The following SSBP2 variants were observed in gnomAD, a reference collection of about 807,000 sequenced individuals.
SSBP2 encodes the protein single stranded DNA binding protein 2, also known as single-stranded DNA-binding protein 2.
A neutral mutation model predicts 61.8 loss-of-function variants in SSBP2; 17 were observed. The ratio of observed to expected loss-of-function variants is 0.28; its 90% confidence interval spans 0.19 to 0.41. SSBP2 has a LOEUF of 0.41. SSBP2 is among the 10% of genes least tolerant of loss of function. The pLI, the probability that SSBP2 is intolerant of heterozygous loss-of-function variation, is 1.00. For synonymous variants in SSBP2, 139 were observed against 141.3 expected, an observed-to-expected ratio of 0.98 and a Z score of 0.12; for missense variants, 310 against 458.7, an observed-to-expected ratio of 0.68 and a Z score of 2.96.
chr5:81,553,034 C>G (rs1025370028), intron 4 of SSBP2, among the ~76,000 whole-genome samples: 2 of 152,110 alleles, frequency 1.3e-5, no homozygotes, highest in African/African-American at 4.8e-5. Context: ...TAATGAGACT[C>G]CATGACTGCT....
chr5:81,472,311 A>T (rs1765299825), intron 8 of SSBP2, among the ~76,000 whole-genome samples: 1 of 152,186 alleles, frequency 6.6e-6, no homozygotes, highest in South Asian at 2.1e-4. Context: ...GATATCCTGG[A>T]ACAGCACTCT....
chr5:81,459,375 G>A (rs1764385386), intron 10 of SSBP2, among the ~76,000 whole-genome samples: 2 of 152,134 alleles, frequency 1.3e-5, no homozygotes, highest in Admixed American at 1.3e-4. Context: ...GGTGCCTTGT[G>A]GGAGATATAA....
chr5:81,471,771 C>T (rs1187947145), intron 8 of SSBP2, among the ~76,000 whole-genome samples: 1 of 151,712 alleles, frequency 6.6e-6, no homozygotes, highest in African/African-American at 2.4e-5. Flanking sequence ...GAGGCTGCCA[C>T]ATATATTTAC....
At chr5:81,719,699 A>C (rs565827376) in intron 1 of SSBP2, among the ~76,000 whole-genome samples, 2 of 152,330 alleles carry the variant, frequency 1.3e-5, no homozygotes, top group Admixed American at 1.3e-4. Flanking sequence ...GCACAGGTCC[A>C]TATGGGAAGG....
chr5:81,670,703 C>T (rs769486670), intron 1 of SSBP2, among the ~76,000 whole-genome samples: 1 of 152,124 alleles, frequency 6.6e-6, no homozygotes, highest in Non-Finnish European at 1.5e-5. Context: ...CTTAATTCCC[C>T]CTGTGAATTC....
chr5:81,585,748 T>G (rs1775010665), intron 4 of SSBP2, among the ~76,000 whole-genome samples: 1 of 152,170 alleles, frequency 6.6e-6, no homozygotes, highest in African/African-American at 2.4e-5. Flanking sequence ...GTACAATGGA[T>G]ATCCTAAACT....
chr5:81,553,201 A>G (rs1361724071), intron 4 of SSBP2, among the ~76,000 whole-genome samples: 1 of 152,212 alleles, frequency 6.6e-6, no homozygotes. Flanking sequence ...TAGAGCCAAC[A>G]CGAAATGTAC....
At chr5:81,463,878 C>T (rs1580749840) in intron 9 of SSBP2, among the ~76,000 whole-genome samples, 1 of 149,940 alleles carries the variant, frequency 6.7e-6, no homozygotes, top group African/African-American at 2.5e-5. Flanking sequence ...AAGCCATTCT[C>T]GTGCCTCAGT....
chr5:81,420,483 A>G lies in SSBP2; in HGVS notation c.*21T>C. 6.2e-7 allele frequency: 1 copy of G among 1,612,232 alleles called. No homozygotes were observed. Among genetic ancestry groups the G allele is most frequent in the Non-Finnish European group, 8.5e-7 (1 of 1,178,300 alleles). On this transcript the variant is annotated 3_prime_UTR_variant, in exon 17 of 17. Coordinates refer to ENST00000320672, the MANE Select transcript of SSBP2 (RefSeq NM_012446.5). ...GAAGGGCTGACTCACTGTGGTTTTC[A>G]TGAGGAGACTTGGTAATGGATCACA...
intron 4 of SSBP2, among the ~76,000 whole-genome samples, chr5:81,545,536 TAAC>T (rs1771665444): frequency 6.6e-6 from 1 of 152,224 alleles, no homozygotes; most frequent in Non-Finnish European, 1.5e-5. Flanking sequence ...GTCAAGCTGT[TAAC>T]AAACCAAGTT....
chr5:81,460,152 T>C (rs909422615), intron 10 of SSBP2, among the ~76,000 whole-genome samples: 3 of 152,218 alleles, frequency 2.0e-5, no homozygotes, highest in African/African-American at 7.2e-5. Flanking sequence ...CGGTTTCATA[T>C]TCATTTAACA....
intron 10 of SSBP2, among the ~76,000 whole-genome samples, chr5:81,451,397 G>A (rs1763760855): frequency 6.6e-6 from 1 of 151,044 alleles, no homozygotes; most frequent in Admixed American, 6.6e-5. Flanking sequence ...TTAAGTCCTT[G>A]CTCCTTTTAT....
At chr5:81,451,855 G>A (rs764472492) in intron 10 of SSBP2, among the ~76,000 whole-genome samples, 5 of 152,004 alleles carry the variant, frequency 3.3e-5, no homozygotes, top group Non-Finnish European at 7.4e-5. Flanking sequence ...TTTTTGCCCC[G>A]TCAAGCTCTT....
At chr5:81,542,817 T>TTTTCTCTCTCTCTCTCTCTCTCTCTC (rs1554083510) in intron 4 of SSBP2, among the ~76,000 whole-genome samples, 1 of 106,724 alleles carries the variant, frequency 9.4e-6, no homozygotes, top group Non-Finnish European at 1.9e-5. Context: ...ATTTGACAGT[T>TTTTCTCTCTCTCTCTCTCTCTCTCTC]TCTCTCTCTC....
At chr5:81,598,984 ATTC>A (rs1161305266) in intron 4 of SSBP2, among the ~76,000 whole-genome samples, 1 of 152,204 alleles carries the variant, frequency 6.6e-6, no homozygotes, top group Non-Finnish European at 1.5e-5. Context: ...CTCTGCCTTT[ATTC>A]TTTAGTGCAG....
chr5:81,603,885 C>G (rs906663576), intron 4 of SSBP2, among the ~76,000 whole-genome samples: 3 of 151,942 alleles, frequency 2.0e-5, no homozygotes, highest in African/African-American at 4.8e-5. Flanking sequence ...TCTGAATGTC[C>G]TTCTGAATAG....
chr5:81,607,417 C>T (rs912629294), intron 4 of SSBP2, among the ~76,000 whole-genome samples: 2 of 152,174 alleles, frequency 1.3e-5, no homozygotes, highest in South Asian at 4.1e-4. Flanking sequence ...TTATTGAGTG[C>T]CAATTAAGTA....
chr5:81,419,865 C>A lies in SSBP2; in HGVS notation c.*639G>T, dbSNP rs1761489180. The A allele has an allele frequency of 6.6e-6, 1 of 152,150 alleles. No homozygotes were observed. Among genetic ancestry groups the A allele is most frequent in the Non-Finnish European group, 1.5e-5 (1 of 68,024 alleles). The allele number at this position is 152,150 out of a possible 1,614,324, so 9.4% of individuals were successfully genotyped here. ...GTTTGATTCAACATAAAGACGAAGA[C>A]ACATTTTCTTCTATTTTTTGAGACA... On this transcript the variant is annotated 3_prime_UTR_variant, in exon 17 of 17. Coordinates refer to ENST00000320672, the MANE Select transcript of SSBP2 (RefSeq NM_012446.5).
intron 4 of SSBP2, among the ~76,000 whole-genome samples, chr5:81,594,659 A>C (rs1257290762): frequency 6.6e-6 from 1 of 152,238 alleles, no homozygotes; most frequent in Non-Finnish European, 1.5e-5. Context: ...ACCACAGTGC[A>C]ATCAAACTAG....
Sources: gnomAD v4.1 joint callset for allele counts (sites outside exome capture counted in the v4.1 genomes callset) on GRCh38, gnomAD v4.1.1 for gene constraint, MANE v1.5 for transcripts, NCBI Gene and HGNC (gene_info 2026-07-23, HGNC 2026-07-21) for gene names.